SBF2: variants seen among roughly 807,000 people sequenced by gnomAD.
SBF2 encodes the protein SET binding factor 2.
SBF2 carries 112 observed loss-of-function variants against 225.2 expected under a neutral mutation model. The ratio of observed to expected loss-of-function variants is 0.50; its 90% confidence interval spans 0.43 to 0.58. The LOEUF (loss-of-function observed/expected upper bound fraction) is 0.58, where lower values mean the gene tolerates loss of function less well. SBF2 is among the 20% of genes least tolerant of loss of function. The pLI is 0.00. For missense variants in SBF2, 1,996 were observed against 2,206.2 expected (o/e 0.90, Z 1.91); for synonymous variants, 763 against 773.3 (o/e 0.99, Z 0.22).
chr11:10,263,290 G>T (rs1369229740), intron 1 of SBF2, among the ~76,000 whole-genome samples: 1 of 151,578 alleles, frequency 6.6e-6, no homozygotes, highest in Non-Finnish European at 1.5e-5. Context: ...ATCCCCCAAA[G>T]AAAAATTATG....
chr11:10,282,128 T>C (rs1353126622), intron 1 of SBF2, among the ~76,000 whole-genome samples: 2 of 152,322 alleles, frequency 1.3e-5, no homozygotes, highest in Admixed American at 6.5e-5. Flanking sequence ...TAGTCCTTAT[T>C]ATACATGACA....
At chr11:9,997,500 C>T (rs527925538) in intron 9 of SBF2, among the ~76,000 whole-genome samples, 10 of 152,268 alleles carry the variant, frequency 6.6e-5, no homozygotes, top group South Asian at 2.1e-4. Flanking sequence ...AATGTTGGGC[C>T]GGGCGCGGTG....
intron 17 of SBF2, 123 bp downstream of exon 17, chr11:9,895,820 A>C (rs1861207157): frequency 2.7e-6 from 2 of 752,000 alleles, no homozygotes; most frequent in Admixed American, 3.7e-5. Context: ...AATAAATATA[A>C]CCGCAGATAT....
intron 1 of SBF2, among the ~76,000 whole-genome samples, chr11:10,215,799 T>C (rs926457592): frequency 1.3e-5 from 2 of 152,204 alleles, no homozygotes; most frequent in African/African-American, 4.8e-5. Flanking sequence ...GTACCAGAAT[T>C]TATATAACAT....
chr11:9,950,368 C>A (rs12574585), intron 16 of SBF2, among the ~76,000 whole-genome samples: 16,777 of 152,152 alleles, frequency 0.11, 1,061 homozygotes, highest in East Asian at 0.3. Flanking sequence ...TGATCTCCCC[C>A]CTTCCCAAAC....
intron 13 of SBF2, among the ~76,000 whole-genome samples, chr11:9,974,994 A>AAAAAAAAAAAAC (rs1946622481): frequency 7.3e-6 from 1 of 136,358 alleles, no homozygotes; most frequent in African/African-American, 2.6e-5. Context: ...AAAAAGAAAA[A>AAAAAAAAAAAAC]AAGAAACCAA....
At chr11:10,167,811 A>G (rs926078858) in intron 2 of SBF2, among the ~76,000 whole-genome samples, 5 of 152,202 alleles carry the variant, frequency 3.3e-5, no homozygotes, top group African/African-American at 9.7e-5. Context: ...TGAGGTCAGG[A>G]GTTCAAGACC....
chr11:10,075,906 T>G (rs1951080616), intron 2 of SBF2, among the ~76,000 whole-genome samples: 2 of 152,110 alleles, frequency 1.3e-5, no homozygotes. Context: ...GTAGTTTTTT[T>G]TTTTTTCTGC....
At chr11:10,099,570 T>C (rs1952189661) in intron 2 of SBF2, among the ~76,000 whole-genome samples, 1 of 152,174 alleles carries the variant, frequency 6.6e-6, no homozygotes, top group African/African-American at 2.4e-5. Flanking sequence ...TATTACACTA[T>C]AACGATGATA....
At chr11:10,149,190 A>G (rs958011484) in intron 2 of SBF2, 6 of 152,306 alleles carry the variant, frequency 3.9e-5, no homozygotes, top group African/African-American at 9.7e-5. Context: ...TCTCTCTGTT[A>G]ATTTACTGGT....
At chr11:10,003,315 C>T (rs1167558935) in intron 6 of SBF2, among the ~76,000 whole-genome samples, 2 of 152,028 alleles carry the variant, frequency 1.3e-5, no homozygotes, top group African/African-American at 4.8e-5. Context: ...TTGAGATATA[C>T]ACTATATATA....
At chr11:10,040,297 C>G (rs779012392) in intron 3 of SBF2, among the ~76,000 whole-genome samples, 1 of 151,870 alleles carries the variant, frequency 6.6e-6, no homozygotes, top group Non-Finnish European at 1.5e-5. Flanking sequence ...TTGTGGACTT[C>G]CGGATGTGTA....
chr11:10,161,892 G>C (rs894439054), intron 2 of SBF2, among the ~76,000 whole-genome samples: 1 of 152,190 alleles, frequency 6.6e-6, no homozygotes, highest in African/African-American at 2.4e-5. Flanking sequence ...GGCTGAAGCA[G>C]CAAGAGTGCT....
chr11:9,887,625 A>G (rs994486947), intron 17 of SBF2, among the ~76,000 whole-genome samples: 2 of 152,214 alleles, frequency 1.3e-5, no homozygotes, highest in South Asian at 2.1e-4. Context: ...GCTGTGCTGG[A>G]AAGATGTGCT....
chr11:10,066,131 A>C (rs1258598430), intron 2 of SBF2, among the ~76,000 whole-genome samples: 1 of 152,070 alleles, frequency 6.6e-6, no homozygotes, highest in East Asian at 1.9e-4. Flanking sequence ...TCTACTAAAC[A>C]TTAAAGGTTT....
intron 16 of SBF2, among the ~76,000 whole-genome samples, chr11:9,936,323 G>A (rs879659117): frequency 7.2e-5 from 11 of 152,200 alleles, no homozygotes; most frequent in Admixed American, 7.2e-4. Context: ...GAGCGGATGT[G>A]GAGAAATAGG....
intron 2 of SBF2, among the ~76,000 whole-genome samples, chr11:10,114,590 G>A (rs1590987531): frequency 2.0e-5 from 3 of 152,282 alleles, no homozygotes; most frequent in Admixed American, 6.5e-5. Flanking sequence ...GTGGCACATA[G>A]AACTCAAAAG....
intron 1 of SBF2, among the ~76,000 whole-genome samples, chr11:10,239,355 A>C (rs1959178021): frequency 6.6e-6 from 1 of 150,788 alleles, no homozygotes; most frequent in Non-Finnish European, 1.5e-5. Context: ...TATACTTGGA[A>C]ATTTTAAAAT....
At chr11:9,989,719 T>A in intron 12 of SBF2, 124 bp from the exon 13 acceptor site, 1 of 640,836 alleles carries the variant, frequency 1.6e-6, no homozygotes, top group South Asian at 2.0e-5. Flanking sequence ...TAAAACAAAA[T>A]ATTTCAGGTT....
Sources: gnomAD v4.1 joint callset for allele counts (sites outside exome capture counted in the v4.1 genomes callset) on GRCh38, gnomAD v4.1.1 for gene constraint, MANE v1.5 for transcripts, NCBI Gene and HGNC (gene_info 2026-07-23, HGNC 2026-07-21) for gene names.